Variants in POU2F3 observed in about 807,000 individuals in gnomAD.
POU2F3 encodes the protein POU domain, class 2, transcription factor 3.
A neutral mutation model predicts 59.2 loss-of-function variants in POU2F3; 23 were observed. The observed-to-expected ratio is 0.39, with a 90% CI of 0.28 to 0.55. The LOEUF (loss-of-function observed/expected upper bound fraction) is 0.55, where lower values mean the gene tolerates loss of function less well. Among genes scored for constraint, POU2F3 ranks in the 20% least tolerant of loss-of-function variants. The pLI is 0.66. For synonymous variants in POU2F3, 190 were observed against 214.6 expected (o/e 0.89, Z 1.00); for missense variants, 473 against 544.5 (o/e 0.87, Z 1.31).
intron 1 of POU2F3, among the ~76,000 whole-genome samples, chr11:120,244,009 A>G (rs58673875): frequency 0.015 from 2,347 of 152,228 alleles, 58 homozygotes; most frequent in African/African-American, 0.054. Flanking sequence ...TGATGTGGAG[A>G]ATGGGTGTTG....
upstream of POU2F3, among the ~76,000 whole-genome samples, chr11:120,239,076 G>T (rs1483578287): frequency 2.0e-5 from 3 of 152,164 alleles, no homozygotes; most frequent in Non-Finnish European, 4.4e-5. Flanking sequence ...GGGCGTGCCA[G>T]GGGGAAAGGA....
chr11:120,297,911 T>C (rs1216657690), intron 3 of POU2F3, among the ~76,000 whole-genome samples: 2 of 150,966 alleles, frequency 1.3e-5, no homozygotes, highest in Admixed American at 6.6e-5. Flanking sequence ...GCTGGGACTA[T>C]AGGCATGTAA....
intron 2 of POU2F3, among the ~76,000 whole-genome samples, chr11:120,252,365 G>A (rs1174115145): frequency 1.3e-5 from 2 of 151,594 alleles, no homozygotes; most frequent in East Asian, 3.9e-4. Flanking sequence ...CCACCACCAC[G>A]CCTGGCTAAT....
intron 2 of POU2F3, among the ~76,000 whole-genome samples, chr11:120,252,629 G>A (rs766050759): frequency 2.0e-4 from 31 of 152,260 alleles, no homozygotes; most frequent in African/African-American, 6.3e-4. Context: ...GCCAGAGATC[G>A]CAGAACAGCC....
At chr11:120,264,604 C>G (rs556349564) in intron 2 of POU2F3, among the ~76,000 whole-genome samples, 1 of 152,310 alleles carries the variant, frequency 6.6e-6, no homozygotes, top group East Asian at 1.9e-4. Flanking sequence ...GTCTGGAACC[C>G]AGCTCTGCAG....
At chr11:120,242,350 C>A (rs894141630) in intron 1 of POU2F3, among the ~76,000 whole-genome samples, 1 of 152,058 alleles carries the variant, frequency 6.6e-6, no homozygotes, top group Admixed American at 6.6e-5. Context: ...CAGTGCGCAC[C>A]CTGCTGTGGG....
intron 3 of POU2F3, among the ~76,000 whole-genome samples, chr11:120,288,146 A>AG (rs1282234533): frequency 6.7e-6 from 1 of 149,246 alleles, no homozygotes; most frequent in Non-Finnish European, 1.5e-5. Context: ...AAAAAAAAAA[A>AG]AACAAGAAAA....
intron 3 of POU2F3, among the ~76,000 whole-genome samples, chr11:120,284,503 G>A (rs943168222): frequency 1.3e-5 from 2 of 151,978 alleles, no homozygotes; most frequent in Non-Finnish European, 2.9e-5. Flanking sequence ...CTCAGTGTTG[G>A]CTTGGTGGTT....
intron 3 of POU2F3, among the ~76,000 whole-genome samples, chr11:120,280,352 T>A (rs1376154221): frequency 6.6e-6 from 1 of 151,942 alleles, no homozygotes; most frequent in East Asian, 1.9e-4. Context: ...CTAGGAGAGG[T>A]CAAGCAACCT....
At chr11:120,305,534 C>T (rs1186429823) in intron 7 of POU2F3, 110 bp from the exon 8 acceptor site, 4 of 1,479,650 alleles carry the variant, frequency 2.7e-6, no homozygotes, top group Non-Finnish European at 2.7e-6. Flanking sequence ...TGGGTGAGCA[C>T]TCAAAGATTC....
chr11:120,268,045 A>G (rs1939909079), intron 2 of POU2F3, among the ~76,000 whole-genome samples: 1 of 152,052 alleles, frequency 6.6e-6, no homozygotes, highest in Non-Finnish European at 1.5e-5. Context: ...GTTTAAGCAA[A>G]TCATGGTATA....
At position 120,295,446 on chromosome 11, in the gene POU2F3, C is replaced by G. The variant is rs1941168448; in HGVS notation, c.133-2819C>G. Among the ~76,000 whole-genome samples the G allele has an allele frequency of 2.6e-5, 4 of 152,232 alleles. No individual in the cohort carries two copies. In the South Asian group the frequency reaches 8.3e-4, roughly 32 times the overall value. On this transcript the variant is annotated intron_variant, in intron 3 of 12. Transcript: ENST00000543440. ...TTCCTCCATCCTGCCTCCCCAGTACCCTCTGGGATGGCAGATGCCTGGGGG... is the reference window on the plus strand; with the variant it reads ...TTCCTCCATCCTGCCTCCCCAGTACGCTCTGGGATGGCAGATGCCTGGGGG...
At chr11:120,299,305 C>T (rs1405666005) in intron 4 of POU2F3, among the ~76,000 whole-genome samples, 1 of 152,162 alleles carries the variant, frequency 6.6e-6, no homozygotes, top group Non-Finnish European at 1.5e-5. Context: ...ATGGGTCATA[C>T]CCAGGCTTTG....
intron 3 of POU2F3, among the ~76,000 whole-genome samples, chr11:120,291,604 T>C (rs1031206929): frequency 6.6e-6 from 1 of 152,188 alleles, no homozygotes; most frequent in Non-Finnish European, 1.5e-5. Flanking sequence ...AGAGTGAGGA[T>C]TGTACAGAAA....
chr11:120,291,316 G>T (rs1346562334), intron 3 of POU2F3, among the ~76,000 whole-genome samples: 2 of 152,234 alleles, frequency 1.3e-5, no homozygotes, highest in Admixed American at 6.5e-5. Flanking sequence ...CTGGACACTG[G>T]ATAGGGAGTT....
At chr11:120,284,061 C>T (rs1343618324) in intron 3 of POU2F3, among the ~76,000 whole-genome samples, 1 of 151,930 alleles carries the variant, frequency 6.6e-6, no homozygotes, top group Admixed American at 6.6e-5. Context: ...CACCTGTAAT[C>T]CCAGCTACTT....
At chr11:120,315,918 G>A (rs1031320997) in intron 11 of POU2F3, among the ~76,000 whole-genome samples, 2 of 143,420 alleles carry the variant, frequency 1.4e-5, no homozygotes, top group African/African-American at 2.6e-5. Context: ...TGTTGCCCAG[G>A]CTGCAGTGCA....
At position 120,309,398 on chromosome 11, in the gene POU2F3, C is replaced by T. The variant is rs1408739956; in HGVS notation, c.907-27C>T. On this transcript the variant is annotated intron_variant, in intron 9 of 12. Transcript: ENST00000543440. ...CTGCCCCTGATTCCCTTCTCTTGGC[C>T]ATACTCTGTCCTTTCGGTGCCTATA... 3 of 1,589,460 alleles carry T rather than the reference C, an allele frequency of 1.9e-6. No homozygotes were observed. In the South Asian group the frequency reaches 3.3e-5, roughly 18 times the overall value.
intron 2 of POU2F3, 69 bp downstream of exon 2, chr11:120,246,586 C>T (rs764722187): frequency 6.5e-6 from 10 of 1,532,760 alleles, no homozygotes; most frequent in African/African-American, 1.4e-5. Context: ...TGTTGAACAA[C>T]TGGTGTCTCT....
Sources: allele counts gnomAD v4.1 joint callset (sites outside exome capture counted in the v4.1 genomes callset), GRCh38; gene constraint gnomAD v4.1.1; transcripts MANE v1.5; gene names NCBI Gene and HGNC (gene_info 2026-07-23, HGNC 2026-07-21).